RNLS: variants seen among roughly 807,000 people sequenced by gnomAD.
RNLS encodes renalase.
Under a neutral mutation model 39.8 loss-of-function variants are expected in RNLS, and 39 were observed. The ratio of observed to expected loss-of-function variants is 0.98; its 90% CI spans 0.76 to 1.28. The LOEUF is 1.28. RNLS is among the 50% of genes most tolerant of loss of function. The pLI is 0.00. For missense variants in RNLS, 410 were observed against 413.3 expected, an observed-to-expected ratio of 0.99 and a Z score of 0.07; for synonymous variants, 147 against 150.7, an observed-to-expected ratio of 0.98 and a Z score of 0.18.
At chr10:88,239,036 T>G in the RNLS span, among the ~76,000 whole-genome samples, 2 of 152,048 alleles carry the variant, frequency 1.3e-5, no homozygotes, top group Non-Finnish European at 2.9e-5. Context: ...TCAATAGCTC[T>G]CATCCTTGTC....
At chr10:88,326,217 G>A (rs962215487) in intron 5 of RNLS, among the ~76,000 whole-genome samples, 1 of 152,208 alleles carries the variant, frequency 6.6e-6, no homozygotes, top group South Asian at 2.1e-4. Flanking sequence ...AACAGGCAGA[G>A]GTTGGAACAG....
chr10:88,407,446 T>C (rs1392759354), intron 4 of RNLS, among the ~76,000 whole-genome samples: 1 of 151,700 alleles, frequency 6.6e-6, no homozygotes, highest in African/African-American at 2.4e-5. Flanking sequence ...TATGGATTGA[T>C]GTGAGAGGAG....
chr10:88,419,842 T>TA (rs202116199), intron 4 of RNLS, among the ~76,000 whole-genome samples: 4,957 of 151,224 alleles, frequency 0.033, 211 homozygotes, highest in South Asian at 0.12. Flanking sequence ...CTGTCTCTAC[T>TA]AAAAAAAAGT....
At chr10:88,370,648 A>T (rs952550438) in intron 4 of RNLS, among the ~76,000 whole-genome samples, 4 of 152,180 alleles carry the variant, frequency 2.6e-5, no homozygotes, top group Admixed American at 2.6e-4. Context: ...CTTAGATTAG[A>T]TCATCTAGCT....
chr10:88,500,570 A>T (rs559136175), intron 4 of RNLS, among the ~76,000 whole-genome samples: 5 of 152,282 alleles, frequency 3.3e-5, no homozygotes, highest in African/African-American at 1.2e-4. Flanking sequence ...GCAATTTTTT[A>T]AAACTGCAGA....
intron 1 of RNLS, 113 bp from the exon 2 acceptor site, chr10:88,582,420 T>A: frequency 2.7e-6 from 2 of 753,668 alleles, no homozygotes; most frequent in South Asian, 3.9e-5. Flanking sequence ...CTTAAGAAAC[T>A]TTTTTAAGTT....
At chr10:88,461,019 T>TA (rs1842908231) in intron 4 of RNLS, among the ~76,000 whole-genome samples, 1 of 152,128 alleles carries the variant, frequency 6.6e-6, no homozygotes, top group Admixed American at 6.6e-5. Flanking sequence ...AAGGTGGAGA[T>TA]ATTTAACAAT....
intron 4 of RNLS, among the ~76,000 whole-genome samples, chr10:88,450,097 A>G (rs1368133629): frequency 1.3e-5 from 2 of 152,162 alleles, no homozygotes; most frequent in Non-Finnish European, 2.9e-5. Context: ...TGTGGAAGTT[A>G]TATAAGAATC....
At chr10:88,197,886 G>C in the RNLS span, among the ~76,000 whole-genome samples, 3 of 152,156 alleles carry the variant, frequency 2.0e-5, no homozygotes, top group Non-Finnish European at 4.4e-5. Flanking sequence ...TCACCATACT[G>C]GCACTCTGAT....
At chr10:88,545,308 T>C (rs1433528224) in intron 4 of RNLS, 2 of 310,376 alleles carry the variant, frequency 6.4e-6, no homozygotes, top group African/African-American at 4.4e-5. Flanking sequence ...AAAGTAACTG[T>C]ATTAGTCCAT....
At chr10:88,187,191 TATATAATATATATATAA>T in the RNLS span, among the ~76,000 whole-genome samples, 1 of 8,100 alleles carries the variant, frequency 1.2e-4, no homozygotes, top group African/African-American at 6.6e-4. Context: ...ATATATAATA[TATATAATATATATATAA>T]TATATATATA....
chr10:88,582,412 T>A, intron 1 of RNLS, 105 bp from the exon 2 acceptor site: 1 of 830,354 alleles, frequency 1.2e-6, no homozygotes, highest in Non-Finnish European at 1.9e-6. Context: ...AAAAATATCT[T>A]AAGAAACTTT....
At chr10:88,438,531 T>G (rs1589793253) in intron 4 of RNLS, among the ~76,000 whole-genome samples, 1 of 152,234 alleles carries the variant, frequency 6.6e-6, no homozygotes, top group African/African-American at 2.4e-5. Context: ...GGAATTTGTT[T>G]ATTACTGTTG....
chr10:88,200,843 T>A, the RNLS span, among the ~76,000 whole-genome samples: 1 of 152,168 alleles, frequency 6.6e-6, no homozygotes. Flanking sequence ...AATGAACTTA[T>A]CTCCTGGTCC....
At chr10:88,294,982 C>T (rs973854227) in intron 6 of RNLS, among the ~76,000 whole-genome samples, 1 of 151,926 alleles carries the variant, frequency 6.6e-6, no homozygotes, top group Non-Finnish European at 1.5e-5. Flanking sequence ...TCACACTTAA[C>T]CCCTCACCAC....
chr10:88,472,862 C>A (rs1554900731), intron 4 of RNLS, among the ~76,000 whole-genome samples: 1 of 152,166 alleles, frequency 6.6e-6, no homozygotes, highest in Non-Finnish European at 1.5e-5. Flanking sequence ...TTATCACCCA[C>A]AAAGTCTGAA....
intron 6 of RNLS, among the ~76,000 whole-genome samples, chr10:88,314,176 T>C (rs1297529304): frequency 6.6e-6 from 1 of 152,206 alleles, no homozygotes; most frequent in Admixed American, 6.5e-5. Context: ...TTTGGAGATA[T>C]AACCTGCCTT....
At chr10:88,553,702 C>T (rs1040325634) in intron 4 of RNLS, among the ~76,000 whole-genome samples, 6 of 151,962 alleles carry the variant, frequency 3.9e-5, no homozygotes, top group Non-Finnish European at 7.4e-5. Context: ...CGTAACATTC[C>T]GTCTTTATTA....
At chr10:88,538,116 A>G (rs1847860661) in intron 4 of RNLS, among the ~76,000 whole-genome samples, 1 of 152,196 alleles carries the variant, frequency 6.6e-6, no homozygotes, top group African/African-American at 2.4e-5. Context: ...AATTCAAAAC[A>G]AGCCTCAGAT....
Sources: allele counts gnomAD v4.1 joint callset (sites outside exome capture counted in the v4.1 genomes callset), GRCh38; gene constraint gnomAD v4.1.1; transcripts MANE v1.5; gene names NCBI Gene and HGNC (gene_info 2026-07-23, HGNC 2026-07-21).